The following SAMMSON variants were observed in gnomAD, a reference collection of about 807,000 sequenced individuals.
SAMMSON encodes the protein long intergenic non-protein coding RNA 1212.
intron 4 of SAMMSON, among the ~76,000 whole-genome samples, chr3:70,226,976 G>A (rs1701513665): frequency 6.6e-6 from 1 of 152,232 alleles, no homozygotes; most frequent in South Asian, 2.1e-4. Flanking sequence ...AGGCACTGGA[G>A]CAGTGGCTCT....
chr3:70,293,272 C>T (rs920139435), intron 7 of SAMMSON, among the ~76,000 whole-genome samples: 17 of 151,678 alleles, frequency 1.1e-4, no homozygotes, highest in African/African-American at 3.6e-4. Flanking sequence ...CATAGTATTA[C>T]AAAGAAAAAC....
At chr3:70,037,499 G>T (rs1227560884) in intron 3 of SAMMSON, among the ~76,000 whole-genome samples, 1 of 152,132 alleles carries the variant, frequency 6.6e-6, no homozygotes, top group Non-Finnish European at 1.5e-5. Flanking sequence ...CAGTCTGAGG[G>T]CTGGGCCAAG....
intron 4 of SAMMSON, chr3:70,204,981 T>G (rs1182047749): frequency 1.3e-5 from 2 of 152,140 alleles, no homozygotes; most frequent in Admixed American, 1.3e-4. Context: ...CTCTCTGCCA[T>G]TACCTGTTTT....
At chr3:70,373,893 T>A (rs1281175136) in intron 9 of SAMMSON, among the ~76,000 whole-genome samples, 1 of 152,142 alleles carries the variant, frequency 6.6e-6, no homozygotes, top group African/African-American at 2.4e-5. Flanking sequence ...CTTGTTGAAG[T>A]ATTTTTATGT....
chr3:70,030,672 A>C (rs1169154073), intron 3 of SAMMSON: 2 of 152,174 alleles, frequency 1.3e-5, no homozygotes, highest in African/African-American at 4.8e-5. Flanking sequence ...TTTGTCTAAC[A>C]CCAAAACCCA....
intron 4 of SAMMSON, among the ~76,000 whole-genome samples, chr3:70,151,488 T>C (rs2067571766): frequency 6.6e-6 from 1 of 152,082 alleles, no homozygotes; most frequent in South Asian, 2.1e-4. Flanking sequence ...CAAGTTGAGA[T>C]GCTATAAGGC....
At chr3:70,118,871 C>A (rs2067421970) in intron 4 of SAMMSON, among the ~76,000 whole-genome samples, 1 of 152,138 alleles carries the variant, frequency 6.6e-6, no homozygotes. Flanking sequence ...TGTGAAGCCT[C>A]AAGTCTGAAG....
chr3:70,021,187 G>C (rs930880269), intron 3 of SAMMSON, among the ~76,000 whole-genome samples: 7 of 152,178 alleles, frequency 4.6e-5, no homozygotes, highest in Admixed American at 4.6e-4. Flanking sequence ...GATGTGAGAC[G>C]TGAGAAAACC....
At chr3:70,423,675 T>C (rs1701331091) in intron 2 of SAMMSON, among the ~76,000 whole-genome samples, 1 of 152,214 alleles carries the variant, frequency 6.6e-6, no homozygotes, top group East Asian at 1.9e-4. Flanking sequence ...ACATGAGGTC[T>C]AAAAAGTATA....
chr3:70,237,075 C>T (rs1411795284), intron 4 of SAMMSON, among the ~76,000 whole-genome samples: 2 of 151,936 alleles, frequency 1.3e-5, no homozygotes, highest in Non-Finnish European at 2.9e-5. Context: ...TATTTGGTTC[C>T]GTATTATCAG....
intron 2 of SAMMSON, among the ~76,000 whole-genome samples, chr3:70,412,891 C>A (rs1701230938): frequency 6.6e-6 from 1 of 152,074 alleles, no homozygotes; most frequent in African/African-American, 2.4e-5. Context: ...TCAGCTTGAC[C>A]AACTACAAGT....
At chr3:70,429,139 T>A (rs879423214) in intron 2 of SAMMSON, among the ~76,000 whole-genome samples, 1 of 152,196 alleles carries the variant, frequency 6.6e-6, no homozygotes, top group Non-Finnish European at 1.5e-5. Context: ...AGTTAATTTT[T>A]GTATAAGGTA....
At chr3:70,206,846 G>C in intron 4 of SAMMSON, 1 of 396,666 alleles carries the variant, frequency 2.5e-6, no homozygotes, top group Non-Finnish European at 4.4e-6. Context: ...ACGTGACCTA[G>C]TGACCTAAGA....
At chr3:70,339,274 T>C (rs1383102707) in intron 7 of SAMMSON, among the ~76,000 whole-genome samples, 2 of 152,138 alleles carry the variant, frequency 1.3e-5, no homozygotes, top group Non-Finnish European at 2.9e-5. Flanking sequence ...AAGACTTAAA[T>C]GTTAGACCTA....
chr3:70,124,985 G>A, intron 4 of SAMMSON: 1 of 654,384 alleles, frequency 1.5e-6, no homozygotes, highest in Non-Finnish European at 2.7e-6. Context: ...CAGTTCCATA[G>A]TCCAGGTGGT....
At chr3:70,049,867 G>A (rs1460552172) in intron 3 of SAMMSON, among the ~76,000 whole-genome samples, 1 of 152,038 alleles carries the variant, frequency 6.6e-6, no homozygotes, top group African/African-American at 2.4e-5. Flanking sequence ...TGTGTGGAAA[G>A]AGCACAGTTT....
intron 4 of SAMMSON, among the ~76,000 whole-genome samples, chr3:70,164,543 T>C (rs966338051): frequency 1.3e-5 from 2 of 152,002 alleles, no homozygotes; most frequent in Non-Finnish European, 2.9e-5. Flanking sequence ...CCAGCAAAAT[T>C]TTACCAGGTA....
At chr3:70,055,198 A>G (rs984387431) in intron 3 of SAMMSON, among the ~76,000 whole-genome samples, 1 of 152,128 alleles carries the variant, frequency 6.6e-6, no homozygotes, top group African/African-American at 2.4e-5. Context: ...AGGCTGGCCA[A>G]TAGGTTGATA....
intron 2 of SAMMSON, among the ~76,000 whole-genome samples, chr3:70,434,570 A>ATT (rs58633750): frequency 5.3e-5 from 8 of 151,280 alleles, no homozygotes; most frequent in Non-Finnish European, 7.4e-5. Flanking sequence ...GAATAAAGAC[A>ATT]TTTTTTTTTC....
Sources: gnomAD v4.1 joint callset for allele counts (sites outside exome capture counted in the v4.1 genomes callset) on GRCh38, gnomAD v4.1.1 for gene constraint, MANE v1.5 for transcripts, NCBI Gene and HGNC (gene_info 2026-07-23, HGNC 2026-07-21) for gene names.